Variants in GIGYF2 observed in about 807,000 individuals in gnomAD.
The protein encoded by GIGYF2 is GRB10 interacting GYF protein 2, also known as GRB10-interacting GYF protein 2.
In GIGYF2, 25 loss-of-function variants were observed where a neutral mutation model predicts 208.1. The ratio of observed to expected loss-of-function variants is 0.12; its 90% CI spans 0.09 to 0.17. GIGYF2 has a LOEUF of 0.17. Among genes scored for constraint, GIGYF2 ranks in the 10% least tolerant of loss-of-function variants. The pLI, the probability that GIGYF2 is intolerant of heterozygous loss-of-function variation, is 1.00. For synonymous variants in GIGYF2, 534 were observed against 543.8 expected (o/e 0.98, Z 0.25); for missense variants, 1,302 against 1,579.4 (o/e 0.82, Z 2.98).
rs552683461 is a variant in GIGYF2, at chr2:232,735,777, C to T, written c.41+539C>T. 2.0e-5 allele frequency: 20 copies of T among 985,222 alleles called. No homozygotes were observed. In the African/African-American group the frequency reaches 2.3e-4, roughly 11 times the overall value. The allele number at this position is 985,222 out of a possible 1,614,324, so 61.0% of individuals were successfully genotyped here. ...GTCTCTTACAGATGTGTTTGGACCC[C>T]GAATATGGAATTCTCATGGAATTTT... On this transcript the variant is annotated intron_variant, in intron 3 of 28. Coordinates refer to ENST00000373563, the MANE Select transcript of GIGYF2 (RefSeq NM_001103146.3).
chr2:232,751,078 C>T (rs1212593277), intron 5 of GIGYF2, among the ~76,000 whole-genome samples: 2 of 152,224 alleles, frequency 1.3e-5, no homozygotes, highest in African/African-American at 4.8e-5. Flanking sequence ...TCTCCTACCT[C>T]AGCCTCTCAA....
chr2:232,837,676 G>T (rs548357491), intron 22 of GIGYF2, among the ~76,000 whole-genome samples: 1 of 151,900 alleles, frequency 6.6e-6, no homozygotes, highest in African/African-American at 2.4e-5. Flanking sequence ...CCAGGCTGAT[G>T]TCAAACTCCT....
chr2:232,741,541 C>G (rs1248179924), intron 3 of GIGYF2, among the ~76,000 whole-genome samples: 4 of 151,490 alleles, frequency 2.6e-5, no homozygotes, highest in Non-Finnish European at 5.9e-5. Context: ...TTCCTGAGTT[C>G]AAGCGATTCT....
intron 3 of GIGYF2, among the ~76,000 whole-genome samples, chr2:232,738,676 T>C (rs1382927576): frequency 6.6e-6 from 1 of 152,252 alleles, no homozygotes; most frequent in Non-Finnish European, 1.5e-5. Flanking sequence ...ATTAAATGGA[T>C]GAATGAATTG....
chr2:232,759,103 G>T (rs1299991553), intron 6 of GIGYF2, among the ~76,000 whole-genome samples: 64 of 152,222 alleles, frequency 4.2e-4, no homozygotes, highest in African/African-American at 1.5e-3. Flanking sequence ...ATAATTTGGT[G>T]CATTATTTTG....
At chr2:232,796,463 A>G (rs1480821408) in intron 14 of GIGYF2, among the ~76,000 whole-genome samples, 9 of 152,224 alleles carry the variant, frequency 5.9e-5, no homozygotes. Context: ...AAATTCCATA[A>G]TGCTCTATTG....
At chr2:232,834,448 A>C (rs1163714590) in intron 22 of GIGYF2, among the ~76,000 whole-genome samples, 4 of 152,172 alleles carry the variant, frequency 2.6e-5, no homozygotes, top group Non-Finnish European at 4.4e-5. Flanking sequence ...AAGTTTGGAG[A>C]GGCTTCTTGA....
At chr2:232,739,973 C>T (rs908033232) in intron 3 of GIGYF2, among the ~76,000 whole-genome samples, 2 of 146,840 alleles carry the variant, frequency 1.4e-5, no homozygotes, top group African/African-American at 5.0e-5. Context: ...CAAAAATTAG[C>T]TGGGCATGGT....
intron 2 of GIGYF2, among the ~76,000 whole-genome samples, chr2:232,728,557 T>C (rs1697310638): frequency 6.6e-6 from 1 of 152,060 alleles, no homozygotes; most frequent in African/African-American, 2.4e-5. Flanking sequence ...CTGAAAACAG[T>C]AGTGCCTTGA....
In GIGYF2 at chr2:232,824,611, A is replaced by G. The variant is rs1171482164; in HGVS notation, c.2529+4626A>G. On this transcript the variant is annotated intron_variant, in intron 21 of 28. Coordinates refer to ENST00000373563, the MANE Select transcript of GIGYF2 (RefSeq NM_001103146.3). ...GTGGTTGGTTCATGAAGTTTAAGGA[A>G]AGAAGCCATTTCCATAAAATAAAAG... Among the ~76,000 whole-genome samples, 4 of 152,350 alleles carry G rather than the reference A, an allele frequency of 2.6e-5. No individual in the cohort carries two copies. In the East Asian group the frequency reaches 7.7e-4, roughly 29 times the overall value.
At chr2:232,841,470 T>G (rs1317119964) in intron 23 of GIGYF2, among the ~76,000 whole-genome samples, 14 of 17,344 alleles carry the variant, frequency 8.1e-4, no homozygotes, top group Non-Finnish European at 1.7e-3. Flanking sequence ...TATTTTTTTT[T>G]TTTTTTTTTT....
intron 8 of GIGYF2, chr2:232,770,798 C>G: frequency 1.3e-6 from 1 of 772,340 alleles, no homozygotes; most frequent in Non-Finnish European, 2.2e-6. Context: ...ATAAATTATT[C>G]TGTAACAGCA....
chr2:232,751,284 G>A (rs1698330515), intron 5 of GIGYF2, among the ~76,000 whole-genome samples: 1 of 151,990 alleles, frequency 6.6e-6, no homozygotes, highest in African/African-American at 2.4e-5. Flanking sequence ...TCACAGTCTC[G>A]GCTCACTGCA....
intron 8 of GIGYF2, among the ~76,000 whole-genome samples, chr2:232,763,521 T>C (rs1352511325): frequency 3.3e-5 from 5 of 152,056 alleles, no homozygotes. Context: ...TATAACAATA[T>C]ACTGTAATAA....
At position 232,790,615 on chromosome 2, in the gene GIGYF2, T is replaced by A. The variant is rs1574888049; in HGVS notation, c.713-83T>A. 6 of 1,170,410 alleles carry A rather than the reference T, an allele frequency of 5.1e-6. No homozygotes were observed. The East Asian group carries it at 1.4e-4, about 27-fold the overall frequency. The allele number at this position is 1,170,410 out of a possible 1,614,324, so 72.5% of individuals were successfully genotyped here. A position where few individuals can be genotyped will look rare whatever the true frequency, so the allele number is the denominator to read the frequency against. ...GAGTTTGCGGTCACTTGTAGTTTTC[T>A]CCTTTATTTTCTATTCCTGATTTTC... On this transcript the variant is annotated intron_variant, in intron 9 of 28. Transcript: ENST00000373563.
In GIGYF2 at chr2:232,723,457, GTC is replaced by G. The variant is rs1279436591; in HGVS notation, c.-43-11695_-43-11694del. 2.4e-3 allele frequency among the ~76,000 whole-genome samples: 338 copies of G among 137,960 alleles called. 1 individual carries two copies. Among genetic ancestry groups the G allele is most frequent in the African/African-American group, 8.5e-3 (313 of 36,792 alleles). The allele number at this position is 137,960 out of a possible 152,430, so 90.5% of individuals were successfully genotyped here. A position where few individuals can be genotyped will look rare whatever the true frequency, so the allele number is the denominator to read the frequency against. On this transcript the variant is annotated intron_variant, in intron 2 of 28. Transcript: ENST00000373563. ...CTTTTTTTTTTTTTTTTGAGACAGA[GTC>G]TCGCTCTGTCACCCAGGCTGGAGTG...
At position 232,720,581 on chromosome 2, in the gene GIGYF2, A is replaced by ATTTTTT. The variant is rs1331036864; in HGVS notation, c.-43-14573_-43-14572insTTTTTT. On this transcript the variant is annotated intron_variant, in intron 2 of 28. Transcript: ENST00000373563. ...AACAGTGTAATATATATATATATAT[A>ATTTTTT]TATTTTTGTTTGTTTGTTTGTTTGT... 2.1e-3 allele frequency among the ~76,000 whole-genome samples: 248 copies of ATTTTTT among 117,888 alleles called. 2 individuals are homozygous for ATTTTTT. The highest frequency in any genetic ancestry group is 4.1e-3 in the South Asian group (10 of 2,430). The allele number at this position is 117,888 out of a possible 152,430, so 77.3% of individuals were successfully genotyped here. A position where few individuals can be genotyped will look rare whatever the true frequency, so the allele number is the denominator to read the frequency against.
intron 2 of GIGYF2, among the ~76,000 whole-genome samples, chr2:232,703,848 T>C (rs1483241473): frequency 6.6e-6 from 1 of 152,200 alleles, no homozygotes; most frequent in African/African-American, 2.4e-5. Flanking sequence ...TAGATAGCAC[T>C]TTTTTACCAG....
At chr2:232,801,054 C>T (rs1700383205) in intron 14 of GIGYF2, among the ~76,000 whole-genome samples, 1 of 152,046 alleles carries the variant, frequency 6.6e-6, no homozygotes, top group Non-Finnish European at 1.5e-5. Context: ...AGAGATCCCA[C>T]CCCATCTTTA....
Sources: allele counts gnomAD v4.1 joint callset (sites outside exome capture counted in the v4.1 genomes callset), GRCh38; gene constraint gnomAD v4.1.1; transcripts MANE v1.5; gene names NCBI Gene and HGNC (gene_info 2026-07-23, HGNC 2026-07-21).